The following ZNF334 variants were observed in gnomAD, a reference collection of about 807,000 sequenced individuals.
The protein encoded by ZNF334 is zinc finger protein 334.
Under a neutral mutation model 12.4 loss-of-function variants are expected in ZNF334, and 14 were observed. The observed-to-expected ratio is 1.13, with a 90% confidence interval of 0.74 to 1.76. The LOEUF is 1.76. Among genes scored for constraint, ZNF334 ranks in the 40% most tolerant of loss-of-function variants. The probability of loss-of-function intolerance (pLI) is 0.00; values close to 1 mark genes in which losing one functional copy is unlikely to be tolerated. For missense variants in ZNF334, 797 were observed against 804.5 expected (o/e 0.99, Z 0.11); for synonymous variants, 273 against 269.6 (o/e 1.01, Z -0.12).
At chr20:46,505,604 T>C (rs1435115098) in intron 2 of ZNF334, 1 of 153,738 alleles carries the variant, frequency 6.5e-6, no homozygotes, top group African/African-American at 2.4e-5. Flanking sequence ...AATGTGTATT[T>C]TGAAACAATG....
Position 46,502,266 on chromosome 20 carries a change from A to C in ZNF334, c.1073T>G (p.Phe358Cys). The C allele has an allele frequency of 6.2e-7, 1 of 1,614,056 alleles. No individual in the cohort carries two copies. Among genetic ancestry groups the C allele is most frequent in the African/African-American group, 1.3e-5 (1 of 75,028 alleles). ...TACAACAAGATACGATTTCTTGCTG[A>C]AGGCATTTCCACATTCCTTGCATTC... The part of the protein sequence containing the change: ...PYECKECGNA[F>C]SKKSYLVVHQ... Residue 358 changes from phenylalanine to cysteine, a missense_variant, in exon 5 of 5, where the codon TTC becomes TGC. By Grantham distance (205) the Phe-to-Cys change is radical. Transcript: ENST00000692313.
the ZNF334 span, among the ~76,000 whole-genome samples, chr20:46,479,039 C>T: frequency 6.6e-6 from 1 of 152,274 alleles, no homozygotes; most frequent in East Asian, 1.9e-4. Context: ...TTTATTGCTG[C>T]TGGAACAAAT....
chr20:46,511,747 A>G (rs1189906180), intron 2 of ZNF334, among the ~76,000 whole-genome samples: 4 of 152,210 alleles, frequency 2.6e-5, no homozygotes, highest in Admixed American at 6.5e-5. Context: ...AAGTCACAGG[A>G]AACCCATACC....
chr20:46,468,790 T>C, the ZNF334 span, among the ~76,000 whole-genome samples: 95 of 152,256 alleles, frequency 6.2e-4, 1 homozygote, highest in African/African-American at 2.2e-3. Flanking sequence ...CTGTTTTAGC[T>C]AGTCTTTAAC....
chr20:46,504,162 C>A, intron 4 of ZNF334, 52 bp downstream of exon 4: 2 of 1,279,582 alleles, frequency 1.6e-6, no homozygotes, highest in South Asian at 2.7e-5. Context: ...CACCGACCAC[C>A]ATGGAACTCT....
rs1239797073 is a variant in ZNF334, at chr20:46,513,255, G to C, written c.-754C>G. The C allele has an allele frequency of 6.6e-6, 1 of 152,210 alleles. No homozygotes were observed. Among genetic ancestry groups the C allele is most frequent in the Non-Finnish European group, 1.5e-5 (1 of 68,050 alleles). The allele number at this position is 152,210 out of a possible 1,614,324, so 9.4% of individuals were successfully genotyped here. The stretch of plus-strand genomic sequence containing the variant: ...CCAAGCGCCTTCTTCGGGCAAATCA[G>C]GGCCCTAGAGAGAGCTCGCCCGTGG... On this transcript the variant is annotated 5_prime_UTR_variant, in exon 1 of 5. Coordinates refer to ENST00000692313, the MANE Select transcript of ZNF334 (RefSeq NM_001353824.2).
chr20:46,486,971 T>A, the ZNF334 span, among the ~76,000 whole-genome samples: 23,642 of 152,076 alleles, frequency 0.16, 1,906 homozygotes, highest in African/African-American at 0.18. Flanking sequence ...CATTTTCTAA[T>A]TTTTTTTCTT....
the ZNF334 span, chr20:46,481,328 C>G: frequency 3.3e-5 from 5 of 152,298 alleles, no homozygotes; most frequent in Admixed American, 2.6e-4. Context: ...CAGAAGCTTT[C>G]TTTAGTGACC....
At chr20:46,478,428 A>C in the ZNF334 span, among the ~76,000 whole-genome samples, 16 of 152,346 alleles carry the variant, frequency 1.1e-4, no homozygotes, top group Middle Eastern at 3.4e-3. Flanking sequence ...AAGACTTAGA[A>C]TCAATGGAAA....
the ZNF334 span, among the ~76,000 whole-genome samples, chr20:46,489,085 C>T: frequency 1.3e-5 from 2 of 151,872 alleles, no homozygotes; most frequent in Non-Finnish European, 2.9e-5. Context: ...ATTTTTTGCC[C>T]ATTATTTCTT....
downstream of ZNF334, among the ~76,000 whole-genome samples, chr20:46,497,047 ATCTACAGAACATACATATGGCTCTGCTGC>A (rs1310953138): frequency 6.6e-6 from 1 of 152,230 alleles, no homozygotes; most frequent in East Asian, 1.9e-4. Context: ...CAAATTTGTC[ATCTACAGAACATACATATGGCTCTGCTGC>A]TCTGATTGAA....
the ZNF334 span, among the ~76,000 whole-genome samples, chr20:46,471,337 G>A: frequency 6.6e-6 from 1 of 152,120 alleles, no homozygotes; most frequent in Non-Finnish European, 1.5e-5. Context: ...AAAAGGTTTT[G>A]TGTATATACA....
At chr20:46,467,952 T>C in the ZNF334 span, among the ~76,000 whole-genome samples, 60 of 152,238 alleles carry the variant, frequency 3.9e-4, no homozygotes, top group Admixed American at 8.5e-4. Flanking sequence ...TAAAGTGATA[T>C]GGCCAAGTGT....
chr20:46,512,143 G>C lies in ZNF334; in HGVS notation c.-38-3C>G. The C allele has an allele frequency of 6.2e-7, 1 of 1,612,384 alleles. No homozygotes were observed. Among genetic ancestry groups the C allele is most frequent in the South Asian group, 1.1e-5 (1 of 90,962 alleles). Reference sequence around the variant, plus strand: ...GGCCAAGAGTGTTGAAAGCAGAGCTGGGTAAGGAAGAATGGCGAATGGAAT... The same window carrying C: ...GGCCAAGAGTGTTGAAAGCAGAGCTCGGTAAGGAAGAATGGCGAATGGAAT... On this transcript the variant is annotated splice_polypyrimidine_tract_variant and splice_region_variant and intron_variant, in intron 1 of 4. Coordinates refer to ENST00000692313, the MANE Select transcript of ZNF334 (RefSeq NM_001353824.2).
At chr20:46,505,527 T>C (rs1880899) in intron 2 of ZNF334, 35,723 of 153,668 alleles carry the variant, frequency 0.23, 4,668 homozygotes, top group African/African-American at 0.34. Flanking sequence ...ACTTTGGAGA[T>C]CACTGTTATA....
chr20:46,466,008 T>C, the ZNF334 span, among the ~76,000 whole-genome samples: 4 of 151,988 alleles, frequency 2.6e-5, no homozygotes, highest in East Asian at 7.7e-4. Context: ...AGAGGGGGAA[T>C]TCATGTTAGG....
chr20:46,487,938 G>A, the ZNF334 span, among the ~76,000 whole-genome samples: 1 of 152,178 alleles, frequency 6.6e-6, no homozygotes, highest in Non-Finnish European at 1.5e-5. Context: ...ACCTGGCAAT[G>A]TCTGGGTGAT....
At chr20:46,466,562 C>T in the ZNF334 span, among the ~76,000 whole-genome samples, 2 of 152,326 alleles carry the variant, frequency 1.3e-5, no homozygotes, top group South Asian at 2.1e-4. Flanking sequence ...AAGCTCATTA[C>T]AACCTCTGCC....
Position 46,503,114 on chromosome 20 carries a change from A to T in ZNF334, c.242-17T>A. ...CATCAATGTCTAGAAAAAGGAACAC[A>T]ATTAACGGTAATTGGTGAGCCTTTA... On this transcript the variant is annotated splice_polypyrimidine_tract_variant and intron_variant, in intron 4 of 4. Transcript: ENST00000692313. The T allele has an allele frequency of 6.4e-7, 1 of 1,568,104 alleles. No individual in the cohort carries two copies. Among genetic ancestry groups the T allele is most frequent in the South Asian group, 1.2e-5 (1 of 81,828 alleles).
Sources: gnomAD v4.1 joint callset for allele counts (sites outside exome capture counted in the v4.1 genomes callset) on GRCh38, gnomAD v4.1.1 for gene constraint, MANE v1.5 for transcripts, NCBI Gene and HGNC (gene_info 2026-07-23, HGNC 2026-07-21) for gene names.